The following CARM1 variants were observed in gnomAD, a reference collection of about 807,000 sequenced individuals.
CARM1 encodes coactivator associated arginine methyltransferase 1.
In CARM1, 14 loss-of-function variants were observed where a neutral mutation model predicts 72.7. That is an observed-to-expected ratio of 0.19 (90% CI 0.13 to 0.30). CARM1 has a LOEUF of 0.30. Among genes scored for constraint, CARM1 ranks in the 10% least tolerant of loss-of-function variants. The pLI is 1.00. For missense variants in CARM1, 432 were observed against 833.7 expected (o/e 0.52, Z 5.93); for synonymous variants, 333 against 345.5 (o/e 0.96, Z 0.40).
intron 1 of CARM1, among the ~76,000 whole-genome samples, chr19:10,872,344 G>A (rs1027926282): frequency 1.3e-5 from 2 of 151,974 alleles, no homozygotes; most frequent in African/African-American, 4.8e-5. Flanking sequence ...GAGGAGGGTG[G>A]GGCGTGGGCG....
At position 10,920,386 on chromosome 19, in the gene CARM1, C is replaced by T; in HGVS notation, c.1197-50C>T. On this transcript the variant is annotated intron_variant, in intron 10 of 15. Coordinates refer to ENST00000327064, the MANE Select transcript of CARM1 (RefSeq NM_199141.2). The surrounding 1 kb of genome is among the most constrained non-coding windows in gnomAD (Gnocchi z 5.3). ...ACTCAAGGCATACAAGGTGGTGGCT[C>T]CAGTGGTGGCGCCGGCCCAGTCAAG... The T allele has an allele frequency of 6.3e-7, 1 of 1,581,336 alleles. No homozygotes were observed. Among genetic ancestry groups the T allele is most frequent in the Non-Finnish European group, 8.6e-7 (1 of 1,158,922 alleles).
chr19:10,904,261 C>G (rs12971616), intron 1 of CARM1, among the ~76,000 whole-genome samples: 3 of 152,148 alleles, frequency 2.0e-5, no homozygotes, highest in Non-Finnish European at 4.4e-5. Flanking sequence ...ACAGATGATG[C>G]ACCTGTCCCA....
rs117793461 is a variant in CARM1 at position 10,915,373 on chromosome 19, G to A, written c.848-1034G>A. On this transcript the variant is annotated intron_variant, in intron 6 of 15. Transcript: ENST00000327064. The surrounding 1 kb of genome is among the most constrained non-coding windows in gnomAD (Gnocchi z 4.6). ...GTGGGCAGCTGCATGTGCCCCCGAC[G>A]TCCCAGCAGCCAGCTTGCAGGGAGG... Among the ~76,000 whole-genome samples, 3 of 152,188 alleles carry A rather than the reference G, an allele frequency of 2.0e-5. No individual in the cohort carries two copies. The highest frequency in any genetic ancestry group is 4.4e-5 in the Non-Finnish European group (3 of 67,988).
chr19:10,917,426 G>A (rs986438853), intron 8 of CARM1, among the ~76,000 whole-genome samples: 8 of 151,896 alleles, frequency 5.3e-5, no homozygotes, highest in African/African-American at 1.5e-4. Context: ...GCAGTGAGCC[G>A]AGATCGCACC....
chr19:10,887,926 C>A (rs765165039), intron 1 of CARM1, among the ~76,000 whole-genome samples: 1 of 152,188 alleles, frequency 6.6e-6, no homozygotes, highest in Non-Finnish European at 1.5e-5. Flanking sequence ...AAGGCAGGCC[C>A]CAGCCCAGCT....
intron 1 of CARM1, among the ~76,000 whole-genome samples, chr19:10,888,639 C>G (rs1227880580): frequency 6.6e-6 from 1 of 152,178 alleles, no homozygotes; most frequent in South Asian, 2.1e-4. Flanking sequence ...ACCGCGCCCC[C>G]ACCCCCTACC....
At chr19:10,917,518 C>T (rs922658392) in intron 8 of CARM1, among the ~76,000 whole-genome samples, 1 of 151,998 alleles carries the variant, frequency 6.6e-6, no homozygotes, top group African/African-American at 2.4e-5. Flanking sequence ...CTGTTTTCCC[C>T]CTGCTCTTGA....
chr19:10,883,684 G>A (rs1018522951), intron 1 of CARM1, among the ~76,000 whole-genome samples: 5 of 152,210 alleles, frequency 3.3e-5, no homozygotes, highest in Admixed American at 3.3e-4. Context: ...CTCCTGAGTA[G>A]CTGGGACTAC....
At position 10,895,127 on chromosome 19, in the gene CARM1, G is replaced by T. The variant is rs1483396170; in HGVS notation, c.221-9824G>T. Among the ~76,000 whole-genome samples the T allele has an allele frequency of 2.0e-5, 3 of 149,220 alleles. No individual in the cohort carries two copies. In the East Asian group the frequency reaches 6.1e-4, roughly 30 times the overall value. On this transcript the variant is annotated intron_variant, in intron 1 of 15. Coordinates refer to ENST00000327064, the MANE Select transcript of CARM1 (RefSeq NM_199141.2). ...AGGTTCTCTTTTTTTTTCTTTTTGA[G>T]AGAGTCTCGCTCTATCACCCAGGCT...
At chr19:10,895,232 G>A (rs1315349749) in intron 1 of CARM1, among the ~76,000 whole-genome samples, 1 of 152,170 alleles carries the variant, frequency 6.6e-6, no homozygotes, top group Non-Finnish European at 1.5e-5. Flanking sequence ...AGCCTCCCAA[G>A]TAGCTGGGAT....
At chr19:10,879,814 C>G (rs1463143152) in intron 1 of CARM1, among the ~76,000 whole-genome samples, 2 of 152,092 alleles carry the variant, frequency 1.3e-5, no homozygotes, top group African/African-American at 2.4e-5. Context: ...GGGGTCTCAC[C>G]CTTTTGGCCA....
At chr19:10,876,625 G>A (rs1036251437) in intron 1 of CARM1, among the ~76,000 whole-genome samples, 5 of 152,270 alleles carry the variant, frequency 3.3e-5, no homozygotes, top group African/African-American at 1.2e-4. Context: ...GCCATCTGAA[G>A]TCACCCTGGC....
chr19:10,900,613 G>A (rs2074056610), intron 1 of CARM1, among the ~76,000 whole-genome samples: 1 of 152,134 alleles, frequency 6.6e-6, no homozygotes, highest in South Asian at 2.1e-4. Context: ...TCTATCTTGT[G>A]TCTGTCGTGA....
rs767726539 is a variant in CARM1 at position 10,921,365 on chromosome 19, C to T, written c.1616-10C>T. 76 of 1,610,394 alleles carry T rather than the reference C, an allele frequency of 4.7e-5. No individual in the cohort carries two copies. Among genetic ancestry groups the T allele is most frequent in the African/African-American group, 5.4e-5 (4 of 74,678 alleles). ...TCTCCCTTCCTTCTTTCCTCCCTCT[C>T]GCTGCGCAGCCAACACGGGGATTGT... is the stretch of plus-strand genomic sequence containing the variant. On this transcript the variant is annotated splice_polypyrimidine_tract_variant and intron_variant, in intron 14 of 15. Coordinates refer to ENST00000327064, the MANE Select transcript of CARM1 (RefSeq NM_199141.2).
intron 3 of CARM1, 36 bp downstream of exon 3, chr19:10,908,181 C>T (rs766544932): frequency 1.4e-6 from 2 of 1,386,824 alleles, no homozygotes; most frequent in South Asian, 1.2e-5. Flanking sequence ...GCCGCCTCCC[C>T]CCGGCAGCCC....
At chr19:10,911,979 G>A (rs2074154270) in intron 4 of CARM1, among the ~76,000 whole-genome samples, 1 of 152,224 alleles carries the variant, frequency 6.6e-6, no homozygotes, top group African/African-American at 2.4e-5. Context: ...GGGCCGAGCG[G>A]GAGCTTCCCC....
At position 10,909,487 on chromosome 19, in the gene CARM1, G is replaced by A. The variant is rs527388075; in HGVS notation, c.558+280G>A. Among the ~76,000 whole-genome samples, 441 of 151,732 alleles carry A rather than the reference G, an allele frequency of 2.9e-3. 1 individual carries two copies. The highest frequency in any genetic ancestry group is 0.01 in the African/African-American group (429 of 41,330). On this transcript the variant is annotated intron_variant, in intron 4 of 15. Transcript: ENST00000327064. ...GCGGTGGCTCACGCCTGTAATCCCA[G>A]CACTTTGGGACGCCCAGGCGGGCGG...
intron 1 of CARM1, among the ~76,000 whole-genome samples, chr19:10,898,464 G>A (rs1177759882): frequency 1.3e-5 from 2 of 152,180 alleles, no homozygotes; most frequent in African/African-American, 2.4e-5. Context: ...CCCAACATGC[G>A]CCGGCTGATG....
chr19:10,887,191 C>T (rs1044566737), intron 1 of CARM1, among the ~76,000 whole-genome samples: 5 of 152,250 alleles, frequency 3.3e-5, no homozygotes, highest in African/African-American at 1.2e-4. Context: ...CTGACTCCTC[C>T]ACAGGGCAGT....
Sources: gnomAD v4.1 joint callset for allele counts (sites outside exome capture counted in the v4.1 genomes callset) on GRCh38, gnomAD v4.1.1 for gene constraint, Gnocchi (gnomAD v3.1) non-coding constraint, MANE v1.5 for transcripts, NCBI Gene and HGNC (gene_info 2026-07-23, HGNC 2026-07-21) for gene names.